The following KLHDC1 variants were observed in gnomAD, a reference collection of about 807,000 sequenced individuals.
KLHDC1 encodes the protein kelch domain-containing protein 1.
KLHDC1 carries 53 observed loss-of-function variants against 68.3 expected under a neutral mutation model. That is an observed-to-expected ratio of 0.78 (90% confidence interval 0.62 to 0.98). The LOEUF (loss-of-function observed/expected upper bound fraction) is 0.98, where lower values mean the gene tolerates loss of function less well. KLHDC1 is among the 50% of genes least tolerant of loss of function. The probability of loss-of-function intolerance (pLI) is 0.00; values close to 1 mark genes in which losing one functional copy is unlikely to be tolerated. For missense variants in KLHDC1, 470 were observed against 492.3 expected (o/e 0.95, Z 0.43); for synonymous variants, 148 against 159.0 (o/e 0.93, Z 0.52).
chr14:49,750,191 C>T (rs955397477), intron 12 of KLHDC1, among the ~76,000 whole-genome samples: 4 of 152,166 alleles, frequency 2.6e-5, no homozygotes, highest in African/African-American at 9.7e-5. Flanking sequence ...TCGCATGGTC[C>T]TCAGGGCCTC....
At chr14:49,719,393 T>A (rs1888469082) in intron 4 of KLHDC1, among the ~76,000 whole-genome samples, 1 of 151,234 alleles carries the variant, frequency 6.6e-6, no homozygotes, top group South Asian at 2.1e-4. Flanking sequence ...TTTCAGCACT[T>A]TACAGGTTTT....
intron 1 of KLHDC1, among the ~76,000 whole-genome samples, chr14:49,696,547 C>G (rs914161396): frequency 6.6e-6 from 1 of 152,108 alleles, no homozygotes; most frequent in African/African-American, 2.4e-5. Flanking sequence ...CTTCAAACTT[C>G]TGCAGTTTCT....
intron 6 of KLHDC1, among the ~76,000 whole-genome samples, 164 bp downstream of exon 6, chr14:49,725,933 C>T (rs147642884): frequency 3.9e-5 from 6 of 152,054 alleles, no homozygotes; most frequent in South Asian, 2.1e-4. Flanking sequence ...CTGCAACCTC[C>T]GCCTCCCGGG....
intron 6 of KLHDC1, among the ~76,000 whole-genome samples, chr14:49,727,499 C>T (rs1056833102): frequency 6.6e-6 from 1 of 152,168 alleles, no homozygotes; most frequent in Non-Finnish European, 1.5e-5. Context: ...GAATTCCTTA[C>T]AGTCCAACTT....
intron 4 of KLHDC1, among the ~76,000 whole-genome samples, chr14:49,718,975 C>T (rs554085998): frequency 6.6e-6 from 1 of 151,822 alleles, no homozygotes; most frequent in Admixed American, 6.6e-5. Context: ...GACGGGGTTT[C>T]ACCATGTTGG....
chr14:49,727,263 AAAAG>A (rs1377984327), intron 6 of KLHDC1, among the ~76,000 whole-genome samples: 39 of 152,136 alleles, frequency 2.6e-4, no homozygotes, highest in African/African-American at 7.2e-4. Flanking sequence ...CCAAAAAAAA[AAAAG>A]AAAGAAAGAA....
chr14:49,725,591 G>A (rs1275496515), intron 5 of KLHDC1, 95 bp from the exon 6 acceptor site: 1 of 711,326 alleles, frequency 1.4e-6, no homozygotes, highest in Admixed American at 3.2e-5. Context: ...TTTTTGTAAG[G>A]TGTCTGTTAT....
chr14:49,695,130 G>GTT (rs1213549182), intron 1 of KLHDC1, among the ~76,000 whole-genome samples: 3 of 150,710 alleles, frequency 2.0e-5, no homozygotes, highest in Non-Finnish European at 2.9e-5. Context: ...GTGTGTGTGT[G>GTT]TGTGTGTGTG....
At chr14:49,694,335 G>A (rs2139723260) in intron 1 of KLHDC1, among the ~76,000 whole-genome samples, 1 of 152,112 alleles carries the variant, frequency 6.6e-6, no homozygotes, top group South Asian at 2.1e-4. Flanking sequence ...ACTGATAGTA[G>A]AACCTACATC....
At chr14:49,713,746 G>A (rs1345041166) in intron 4 of KLHDC1, among the ~76,000 whole-genome samples, 3 of 138,384 alleles carry the variant, frequency 2.2e-5, no homozygotes, top group Admixed American at 1.6e-4. Flanking sequence ...CGTTAACCAG[G>A]TGTGGTGGCG....
chr14:49,744,292 ATGTGTG>A (rs36219162), intron 12 of KLHDC1, among the ~76,000 whole-genome samples: 266 of 150,636 alleles, frequency 1.8e-3, no homozygotes, highest in African/African-American at 6.3e-3. Flanking sequence ...GCCTGTATAT[ATGTGTG>A]TGTGTGTGTG....
chr14:49,696,944 T>C (rs1201583293), intron 1 of KLHDC1, among the ~76,000 whole-genome samples: 1 of 152,018 alleles, frequency 6.6e-6, no homozygotes, highest in Non-Finnish European at 1.5e-5. Context: ...CTTTCTTTTT[T>C]TTTTTTTTTT....
chr14:49,744,939 T>C (rs1271233397), intron 12 of KLHDC1, among the ~76,000 whole-genome samples: 1 of 152,186 alleles, frequency 6.6e-6, no homozygotes, highest in Non-Finnish European at 1.5e-5. Flanking sequence ...TCTTAGTTCA[T>C]ACATTCTTAC....
chr14:49,720,284 C>G (rs1036513921), intron 4 of KLHDC1, among the ~76,000 whole-genome samples: 3 of 152,078 alleles, frequency 2.0e-5, no homozygotes, highest in Non-Finnish European at 2.9e-5. Flanking sequence ...CAGCGCTCAG[C>G]CTTTTAAAAT....
intron 4 of KLHDC1, among the ~76,000 whole-genome samples, chr14:49,723,303 T>C (rs1888582227): frequency 6.6e-6 from 1 of 151,584 alleles, no homozygotes; most frequent in African/African-American, 2.4e-5. Context: ...GAGGCCAGGA[T>C]AGGAGGATAA....
chr14:49,727,082 T>C (rs1888689249), intron 6 of KLHDC1, among the ~76,000 whole-genome samples: 1 of 152,060 alleles, frequency 6.6e-6, no homozygotes, highest in Non-Finnish European at 1.5e-5. Context: ...CTGTCTCTAC[T>C]AAAAATACAA....
chr14:49,721,008 C>T (rs1888511438), intron 4 of KLHDC1, among the ~76,000 whole-genome samples: 1 of 151,964 alleles, frequency 6.6e-6, no homozygotes, highest in African/African-American at 2.4e-5. Flanking sequence ...TGAAATTACC[C>T]ATTTATTCCT....
chr14:49,711,142 G>A (rs1391303287), intron 4 of KLHDC1, among the ~76,000 whole-genome samples: 1 of 152,022 alleles, frequency 6.6e-6, no homozygotes, highest in African/African-American at 2.4e-5. Context: ...ACAGGTGCCT[G>A]CCACCATGCC....
Position 49,723,927 on chromosome 14 carries a change from G to A in KLHDC1, c.458G>A (p.Cys153Tyr). 1 of 1,604,040 alleles carries A rather than the reference G, an allele frequency of 6.2e-7. No homozygotes were observed. The highest frequency in any genetic ancestry group is 8.5e-7 in the Non-Finnish European group (1 of 1,172,716). ...AGGAGACACAGTGAACTCCAAGACT[G>A]TTTTGATGTTCATGATGCATCTTGG... ...GCRRHSELQD[C>Y]FDVHDASWEE... Residue 153 changes from cysteine to tyrosine, a missense_variant, in exon 5 of 13, where the codon TGT (cysteine) becomes TAT (tyrosine). Physicochemically the swap from Cys to Tyr is radical, Grantham distance 194 (BLOSUM62 -2). Transcript: ENST00000359332.
Sources: gnomAD v4.1 joint callset for allele counts (sites outside exome capture counted in the v4.1 genomes callset) on GRCh38, gnomAD v4.1.1 for gene constraint, MANE v1.5 for transcripts, NCBI Gene and HGNC (gene_info 2026-07-23, HGNC 2026-07-21) for gene names.